Variants in CMIP observed in about 807,000 individuals in gnomAD.
CMIP encodes the protein c-Maf inducing protein, also known as C-Maf-inducing protein.
CMIP carries 13 observed loss-of-function variants against 97.3 expected under a neutral mutation model. The ratio of observed to expected loss-of-function variants is 0.13; its 90% confidence interval spans 0.09 to 0.21. The LOEUF (loss-of-function observed/expected upper bound fraction) is 0.21, where lower values mean the gene tolerates loss of function less well. Ranked by LOEUF, CMIP falls within the 10% of genes least tolerant of loss-of-function variation. The pLI, the probability that CMIP is intolerant of heterozygous loss-of-function variation, is 1.00. For synonymous variants in CMIP, 538 were observed against 436.3 expected (o/e 1.23, Z -2.91); for missense variants, 847 against 1,024.9 (o/e 0.83, Z 2.37).
rs145803660 is a variant in CMIP at position 81,575,480 on chromosome 16, T to A, written c.301-32087T>A. Among the ~76,000 whole-genome samples, 49 of 152,198 alleles carry A rather than the reference T, an allele frequency of 3.2e-4. No homozygotes were observed. In the East Asian group the frequency reaches 8.1e-3, roughly 25 times the overall value. On this transcript the variant is annotated intron_variant, in intron 1 of 20. Transcript: ENST00000537098. Reference sequence around the variant, plus strand: ...CATTGTCCCGAGTCGAGTCCGTAGATCATCTAGAGCAGTGATCCAGGCCCC... The same window carrying A: ...CATTGTCCCGAGTCGAGTCCGTAGAACATCTAGAGCAGTGATCCAGGCCCC...
chr16:81,483,093 C>T (rs1005323378), intron 1 of CMIP, among the ~76,000 whole-genome samples: 1 of 152,202 alleles, frequency 6.6e-6, no homozygotes, highest in African/African-American at 2.4e-5. Context: ...AGGAAACCAT[C>T]AGACGAGGGA....
intron 1 of CMIP, among the ~76,000 whole-genome samples, chr16:81,506,904 C>CAAA (rs35148332): frequency 9.4e-6 from 1 of 105,934 alleles, no homozygotes; most frequent in Non-Finnish European, 2.0e-5. Flanking sequence ...GACTCCGTCT[C>CAAA]AAAAAAAAAA....
At chr16:81,532,565 G>T (rs556634783) in intron 1 of CMIP, among the ~76,000 whole-genome samples, 1 of 152,294 alleles carries the variant, frequency 6.6e-6, no homozygotes, top group Admixed American at 6.5e-5. Flanking sequence ...ACCACAGGAG[G>T]CCTCGGCTTG....
intron 9 of CMIP, among the ~76,000 whole-genome samples, chr16:81,675,238 C>A (rs957349292): frequency 6.6e-6 from 1 of 152,106 alleles, no homozygotes; most frequent in Non-Finnish European, 1.5e-5. Flanking sequence ...CAGTCTCACT[C>A]TGTCACCCAA....
chr16:81,703,727 G>T, intron 17 of CMIP: 1 of 603,710 alleles, frequency 1.7e-6, no homozygotes, highest in East Asian at 2.9e-5. Flanking sequence ...GGCAGCTGTC[G>T]TCCATGGGAT....
chr16:81,512,992 G>A (rs981444510), intron 1 of CMIP, among the ~76,000 whole-genome samples: 4 of 152,220 alleles, frequency 2.6e-5, no homozygotes, highest in East Asian at 1.9e-4. Context: ...CCTCCTCAGC[G>A]TCCCAAAGTG....
intron 10 of CMIP, among the ~76,000 whole-genome samples, chr16:81,679,565 T>C (rs928532078): frequency 4.6e-5 from 7 of 151,858 alleles, no homozygotes; most frequent in African/African-American, 1.7e-4. Flanking sequence ...TGGCTGTGCG[T>C]ATTTGTGCCG....
chr16:81,689,009 A>G (rs1005347259), intron 10 of CMIP, among the ~76,000 whole-genome samples: 2 of 152,212 alleles, frequency 1.3e-5, no homozygotes, highest in African/African-American at 2.4e-5. Context: ...ATGGCTGCAT[A>G]GTATTCCATG....
chr16:81,533,297 A>G (rs1312364094), intron 1 of CMIP, among the ~76,000 whole-genome samples: 1 of 152,244 alleles, frequency 6.6e-6, no homozygotes, highest in Non-Finnish European at 1.5e-5. Context: ...GATGCTCAGT[A>G]CATAGTTTTG....
intron 1 of CMIP, among the ~76,000 whole-genome samples, chr16:81,514,578 G>A (rs912151219): frequency 6.6e-6 from 1 of 152,150 alleles, no homozygotes; most frequent in African/African-American, 2.4e-5. Context: ...AGACTTTAGC[G>A]TGGCTCTCAG....
chr16:81,645,334 G>A (rs937893976), intron 3 of CMIP: 2 of 1,375,610 alleles, frequency 1.5e-6, no homozygotes, highest in African/African-American at 2.9e-5. Context: ...CACGACAGGT[G>A]GTGGGGAGCA....
intron 13 of CMIP, 68 bp downstream of exon 13, chr16:81,693,555 G>C: frequency 4.6e-6 from 7 of 1,520,640 alleles, no homozygotes; most frequent in Non-Finnish European, 6.2e-6. Context: ...GGGCCCCTTA[G>C]AGGCCTTCTG....
chr16:81,643,887 G>A (rs2092334250), intron 3 of CMIP, among the ~76,000 whole-genome samples: 1 of 152,166 alleles, frequency 6.6e-6, no homozygotes, highest in Non-Finnish European at 1.5e-5. Context: ...ATATAGTGAT[G>A]GCAGCCCCCT....
In CMIP at chr16:81,627,282, G is replaced by A. The variant is rs1372538196; in HGVS notation, c.477+6356G>A. Among the ~76,000 whole-genome samples, 1 of 152,002 alleles carries A rather than the reference G, an allele frequency of 6.6e-6. No homozygotes were observed. Among genetic ancestry groups the A allele is most frequent in the Admixed American group, 6.6e-5 (1 of 15,258 alleles). ...GATACTATGAGTATGCTGGTTTGGAGTGTGTTTCTTTGGGCCTCAGTTTTC... is the reference window on the plus strand; with the variant it reads ...GATACTATGAGTATGCTGGTTTGGAATGTGTTTCTTTGGGCCTCAGTTTTC... On this transcript the variant is annotated intron_variant, in intron 3 of 20. Coordinates refer to ENST00000537098, the MANE Select transcript of CMIP (RefSeq NM_198390.3). The surrounding 1 kb of genome is among the most constrained non-coding windows in gnomAD (Gnocchi z 4.6).
At chr16:81,544,970 C>T (rs1169246809) in intron 1 of CMIP, among the ~76,000 whole-genome samples, 1 of 152,124 alleles carries the variant, frequency 6.6e-6, no homozygotes, top group Non-Finnish European at 1.5e-5. Context: ...TGGGGCCAGA[C>T]TCAATCTTTT....
chr16:81,484,211 G>A (rs912867058), intron 1 of CMIP, among the ~76,000 whole-genome samples: 3 of 152,110 alleles, frequency 2.0e-5, no homozygotes, highest in Admixed American at 6.5e-5. Flanking sequence ...GGCGGACCTC[G>A]CCCGTTCCCA....
rs1905735287 is a variant in CMIP at position 81,444,999 on chromosome 16, A to G, written c.-243A>G. ...CCGAGCCCGGTCAGCCGCCGCGAGC[A>G]TGCACCCGACGAGCTAGGAGGAAGC... On this transcript the variant is annotated 5_prime_UTR_variant, in exon 1 of 21. An upstream start codon of the reference 5' UTR is lost. Coordinates refer to ENST00000537098, the MANE Select transcript of CMIP (RefSeq NM_198390.3). Among the ~76,000 whole-genome samples, 1 of 138,452 alleles carries G rather than the reference A, an allele frequency of 7.2e-6. No homozygotes were observed. The highest frequency in any genetic ancestry group is 1.6e-5 in the Non-Finnish European group (1 of 63,522). 90.8% of individuals were successfully genotyped at this position (138,452 alleles called of 152,430 possible). A position where few individuals can be genotyped will look rare whatever the true frequency, so the allele number is the denominator to read the frequency against.
chr16:81,507,309 C>A (rs940473651), intron 1 of CMIP, among the ~76,000 whole-genome samples: 5 of 152,132 alleles, frequency 3.3e-5, no homozygotes, highest in African/African-American at 1.2e-4. Flanking sequence ...TCTTGGGTAC[C>A]CTCCCTCTGC....
chr16:81,682,596 G>A (rs920742587), intron 10 of CMIP, among the ~76,000 whole-genome samples: 1 of 152,154 alleles, frequency 6.6e-6, no homozygotes, highest in African/African-American at 2.4e-5. Context: ...ACTTTATGTG[G>A]AATTGAAGGG....
Sources: gnomAD v4.1 joint callset for allele counts (sites outside exome capture counted in the v4.1 genomes callset) on GRCh38, gnomAD v4.1.1 for gene constraint, Gnocchi (gnomAD v3.1) non-coding constraint, MANE v1.5 for transcripts, NCBI Gene and HGNC (gene_info 2026-07-23, HGNC 2026-07-21) for gene names.